Variants in THAP6 observed in about 807,000 individuals in gnomAD.
THAP6 encodes THAP domain-containing protein 6.
A neutral mutation model predicts 20.0 loss-of-function variants in THAP6; 13 were observed. The ratio of observed to expected loss-of-function variants is 0.65; its 90% confidence interval spans 0.42 to 1.03. THAP6 has a LOEUF of 1.03. THAP6 is among the 50% of genes least tolerant of loss of function. THAP6 has a pLI of 0.00. For missense variants in THAP6, 262 were observed against 261.6 expected, an observed-to-expected ratio of 1.00 and a Z score of -0.01; for synonymous variants, 93 against 92.2, an observed-to-expected ratio of 1.01 and a Z score of -0.05.
Position 75,528,094 on chromosome 4 carries a change from A to G in THAP6, c.*880A>G, listed in dbSNP as rs1726493033. On this transcript the variant is annotated 3_prime_UTR_variant, in exon 5 of 5. Transcript: ENST00000311638. ...ATTTTAAAAAAATACAAAATACAAAAGAAACCATTAGAAATTAATAACTGT... is the reference window on the plus strand; with the variant it reads ...ATTTTAAAAAAATACAAAATACAAAGGAAACCATTAGAAATTAATAACTGT... 1 of 984,654 alleles carries G rather than the reference A, an allele frequency of 1.0e-6. No homozygotes were observed. The highest frequency in any genetic ancestry group is 1.2e-6 in the Non-Finnish European group (1 of 829,328). 61.0% of individuals were successfully genotyped at this position (984,654 alleles called of 1,614,324 possible).
chr4:75,532,964 C>T (rs1181811107), downstream of THAP6, among the ~76,000 whole-genome samples: 1 of 152,244 alleles, frequency 6.6e-6, no homozygotes, highest in African/African-American at 2.4e-5. Context: ...GCCCTGGAGA[C>T]ATTTTCCCCA....
At chr4:75,514,439 C>T (rs1725349039), upstream of THAP6, 2 of 850,002 alleles carry the variant, frequency 2.4e-6, no homozygotes, top group African/African-American at 1.7e-5. Flanking sequence ...AGACGGATTT[C>T]CGGTTCCCGG....
At chr4:75,532,003 C>A (rs1272760617), downstream of THAP6, among the ~76,000 whole-genome samples, 1 of 152,104 alleles carries the variant, frequency 6.6e-6, no homozygotes, top group Admixed American at 6.6e-5. Flanking sequence ...TCCCAAATCT[C>A]ATATCTTCAC....
intron 4 of THAP6, among the ~76,000 whole-genome samples, chr4:75,525,556 T>C (rs1412126170): frequency 2.0e-5 from 3 of 152,246 alleles, no homozygotes; most frequent in African/African-American, 7.2e-5. Flanking sequence ...GTCTGCTAAT[T>C]CTAACATTTG....
In THAP6 at chr4:75,527,161, A is replaced by G. The variant is rs2148821400; in HGVS notation, c.616A>G (p.Thr206Ala). Residue 206 changes from threonine to alanine, a missense_variant, in exon 5 of 5, where the codon ACT (threonine) becomes GCT (alanine). Transcript: ENST00000311638. The stretch of plus-strand genomic sequence containing the variant: ...CCAAGAAACAGCAAATAGACTGGAC[A>G]CTTTCTGTTGGGACTGTTGTCAGGA... ...ISQETANRLD[T>A]FCWDCCQESI... 6.2e-7 allele frequency: 1 copy of G among 1,614,132 alleles called. No individual in the cohort carries two copies. The highest frequency in any genetic ancestry group is 8.5e-7 in the Non-Finnish European group (1 of 1,179,974).
At position 75,528,873 on chromosome 4, in the gene THAP6, A is replaced by G; in HGVS notation, c.*1659A>G. 1.5e-6 allele frequency: 1 copy of G among 684,696 alleles called. No homozygotes were observed. The highest frequency in any genetic ancestry group is 1.8e-6 in the Non-Finnish European group (1 of 555,758). 42.4% of individuals were successfully genotyped at this position (684,696 alleles called of 1,614,324 possible). A position where few individuals can be genotyped will look rare whatever the true frequency, so the allele number is the denominator to read the frequency against. On this transcript the variant is annotated 3_prime_UTR_variant, in exon 5 of 5. Coordinates refer to ENST00000311638, the MANE Select transcript of THAP6 (RefSeq NM_144721.6). ...AAACCAGCCTGGCCAAGATGGTGAA[A>G]CCCCATCTCTGCTAAAAATACAAAA...
At chr4:75,545,379 C>T (rs1166165665) in intron 3 of THAP6, among the ~76,000 whole-genome samples, 2 of 152,194 alleles carry the variant, frequency 1.3e-5, no homozygotes, top group African/African-American at 2.4e-5. Context: ...GGAACCTTCT[C>T]CAGGCCTCAG....
At chr4:75,547,110 T>C (rs1727142707) in intron 3 of THAP6, among the ~76,000 whole-genome samples, 1 of 152,300 alleles carries the variant, frequency 6.6e-6, no homozygotes. Flanking sequence ...GCAGACTTGC[T>C]GGACAACCAG....
intron 4 of THAP6, among the ~76,000 whole-genome samples, chr4:75,525,454 A>T (rs1267535497): frequency 6.6e-6 from 1 of 152,182 alleles, no homozygotes; most frequent in East Asian, 1.9e-4. Flanking sequence ...CACATCAGTT[A>T]TCTGTAGATA....
At chr4:75,521,957 G>T in intron 4 of THAP6, 96 bp downstream of exon 4, 1 of 1,459,054 alleles carries the variant, frequency 6.9e-7, no homozygotes, top group Non-Finnish European at 9.5e-7. Flanking sequence ...GCAAAATCTA[G>T]GGGTTAATAT....
rs1010727318 is a variant in THAP6, at chr4:75,528,356, C to T, written c.*1142C>T. ...ACCGAAAACAACTGAAATTGAGAGT[C>T]ATAAATACTGTGGGTTAGAATAAAA... On this transcript the variant is annotated 3_prime_UTR_variant, in exon 5 of 5. Transcript: ENST00000311638. The T allele has an allele frequency of 5.1e-6, 5 of 985,382 alleles. No individual in the cohort carries two copies. Among genetic ancestry groups the T allele is most frequent in the Non-Finnish European group, 6.0e-6 (5 of 829,912 alleles). 61.0% of individuals were successfully genotyped at this position (985,382 alleles called of 1,614,324 possible).
intron 2 of THAP6, among the ~76,000 whole-genome samples, chr4:75,537,848 C>T (rs932410502): frequency 1.3e-5 from 2 of 152,142 alleles, no homozygotes; most frequent in African/African-American, 4.8e-5. Flanking sequence ...TGTGGACAGC[C>T]TCTAGAAGCT....
chr4:75,518,842 A>C (rs907033339), intron 3 of THAP6, among the ~76,000 whole-genome samples: 1 of 152,230 alleles, frequency 6.6e-6, no homozygotes, highest in Non-Finnish European at 1.5e-5. Flanking sequence ...AAGCATCCCA[A>C]TCTGTTTGTG....
At chr4:75,525,291 G>C (rs1726292951) in intron 4 of THAP6, among the ~76,000 whole-genome samples, 1 of 151,986 alleles carries the variant, frequency 6.6e-6, no homozygotes. Context: ...CTGAAATTGT[G>C]CAACATGTTA....
intron 4 of THAP6, among the ~76,000 whole-genome samples, chr4:75,526,431 T>C (rs893310165): frequency 6.6e-6 from 1 of 152,188 alleles, no homozygotes; most frequent in Admixed American, 6.5e-5. Context: ...AATAAAAGCA[T>C]ACCCAGCAAA....
At chr4:75,537,352 G>A (rs1356663222) in intron 2 of THAP6, among the ~76,000 whole-genome samples, 1 of 152,114 alleles carries the variant, frequency 6.6e-6, no homozygotes, top group Non-Finnish European at 1.5e-5. Context: ...GTTGTGGGAG[G>A]GGCCCGGTGG....
At chr4:75,524,185 C>T (rs951386531) in intron 4 of THAP6, among the ~76,000 whole-genome samples, 1 of 152,154 alleles carries the variant, frequency 6.6e-6, no homozygotes, top group African/African-American at 2.4e-5. Flanking sequence ...AGTGGTATTA[C>T]TCCCCTTTAT....
intron 3 of THAP6, among the ~76,000 whole-genome samples, chr4:75,547,023 C>A (rs1352355673): frequency 1.3e-5 from 2 of 152,156 alleles, no homozygotes; most frequent in Non-Finnish European, 2.9e-5. Context: ...GAGCCCAAAT[C>A]CAGAAAGCAG....
chr4:75,529,653 A>C lies in THAP6; in HGVS notation c.*2439A>C. 1 of 985,448 alleles carries C rather than the reference A, an allele frequency of 1.0e-6. No individual in the cohort carries two copies. The highest frequency in any genetic ancestry group is 1.2e-6 in the Non-Finnish European group (1 of 829,952). 61.0% of individuals were successfully genotyped at this position (985,448 alleles called of 1,614,324 possible). On this transcript the variant is annotated 3_prime_UTR_variant, in exon 5 of 5. Transcript: ENST00000311638. ...AGGAAAGAACTGGCCTGTGTAAAGC[A>C]AAACCCAAGTCATCCCCCTCCAGAA... is the stretch of plus-strand genomic sequence containing the variant.
Sources: allele counts gnomAD v4.1 joint callset (sites outside exome capture counted in the v4.1 genomes callset), GRCh38; gene constraint gnomAD v4.1.1; transcripts MANE v1.5; gene names NCBI Gene and HGNC (gene_info 2026-07-23, HGNC 2026-07-21).